HSD17B12: variants seen among roughly 807,000 people sequenced by gnomAD.
HSD17B12 encodes very-long-chain 3-oxoacyl-CoA reductase.
Under a neutral mutation model 39.3 loss-of-function variants are expected in HSD17B12, and 32 were observed. The ratio of observed to expected loss-of-function variants is 0.81; its 90% CI spans 0.61 to 1.09. The LOEUF is 1.09. Ranked by LOEUF, HSD17B12 falls within the 50% of genes least tolerant of loss-of-function variation. HSD17B12 has a pLI of 0.00. For missense variants in HSD17B12, 342 were observed against 382.9 expected (o/e 0.89, Z 0.89); for synonymous variants, 150 against 146.7 (o/e 1.02, Z -0.16).
intron 1 of HSD17B12, among the ~76,000 whole-genome samples, chr11:43,710,512 AT>A (rs1185018073): frequency 1.3e-5 from 2 of 152,280 alleles, no homozygotes; most frequent in Non-Finnish European, 2.9e-5. Context: ...AAATTTTGAA[AT>A]TCTTGAGGGG....
At chr11:43,822,801 T>G (rs1951195912) in intron 6 of HSD17B12, among the ~76,000 whole-genome samples, 1 of 152,176 alleles carries the variant, frequency 6.6e-6, no homozygotes, top group South Asian at 2.1e-4. Flanking sequence ...TACGTGTGCA[T>G]GTGTCTTTAT....
chr11:43,854,579 C>T, intron 9 of HSD17B12, 136 bp from the exon 10 acceptor site: 4 of 921,788 alleles, frequency 4.3e-6, no homozygotes, highest in South Asian at 1.9e-5. Flanking sequence ...TTTAGATAGC[C>T]ACTTCTCTTT....
rs143467547 is a variant in HSD17B12 at position 43,831,363 on chromosome 11, C to G, written c.536+353C>G. On this transcript the variant is annotated intron_variant, in intron 7 of 10. Coordinates refer to ENST00000278353, the MANE Select transcript of HSD17B12 (RefSeq NM_016142.3). The surrounding 1 kb of genome is among the most constrained non-coding windows in gnomAD (Gnocchi z 4.1). ...ATACCTTCTTAAAGCTGTATTCTCTCAAAGCCAAAATCAGTGGAGTTGGAT... is the reference window on the plus strand; with the variant it reads ...ATACCTTCTTAAAGCTGTATTCTCTGAAAGCCAAAATCAGTGGAGTTGGAT... 249 of 160,660 alleles carry G rather than the reference C, an allele frequency of 1.5e-3. 1 individual carries two copies. The highest frequency in any genetic ancestry group is 5.7e-3 in the African/African-American group (237 of 41,928). The allele number at this position is 160,660 out of a possible 1,614,324, so 10.0% of individuals were successfully genotyped here. A position where few individuals can be genotyped will look rare whatever the true frequency, so the allele number is the denominator to read the frequency against.
intron 3 of HSD17B12, among the ~76,000 whole-genome samples, chr11:43,786,954 T>C (rs138823123): frequency 6.6e-6 from 1 of 152,292 alleles, no homozygotes; most frequent in East Asian, 1.9e-4. Flanking sequence ...CTTTGTTTGT[T>C]TGCTTTTGAG....
intron 1 of HSD17B12, among the ~76,000 whole-genome samples, chr11:43,750,091 T>C (rs746825251): frequency 8.5e-5 from 13 of 152,144 alleles, no homozygotes; most frequent in Non-Finnish European, 1.9e-4. Flanking sequence ...TTTTAAAAAG[T>C]AGCTTATGAA....
At chr11:43,842,044 C>G (rs1162169725) in intron 9 of HSD17B12, among the ~76,000 whole-genome samples, 1 of 152,120 alleles carries the variant, frequency 6.6e-6, no homozygotes, top group Admixed American at 6.5e-5. Flanking sequence ...TGAACTGGGA[C>G]TCAAATCTGG....
chr11:43,573,400 C>G, the HSD17B12 span, among the ~76,000 whole-genome samples: 1 of 152,168 alleles, frequency 6.6e-6, no homozygotes. Flanking sequence ...TTCCAAGCCC[C>G]TCTCTGTCTT....
chr11:43,676,253 GTTCTA>G (rs1026093570), upstream of HSD17B12, among the ~76,000 whole-genome samples: 2 of 146,430 alleles, frequency 1.4e-5, no homozygotes, highest in African/African-American at 5.1e-5. Flanking sequence ...TAAGCGTAGA[GTTCTA>G]TTCTAAACAT....
At chr11:43,601,816 G>C in the HSD17B12 span, among the ~76,000 whole-genome samples, 1 of 152,200 alleles carries the variant, frequency 6.6e-6, no homozygotes, top group Non-Finnish European at 1.5e-5. Context: ...AACACTAAGA[G>C]ATCCTCTCAG....
chr11:43,828,664 T>G (rs1290056302), intron 6 of HSD17B12, among the ~76,000 whole-genome samples: 1 of 152,136 alleles, frequency 6.6e-6, no homozygotes, highest in East Asian at 1.9e-4. Flanking sequence ...GGCCTAATAT[T>G]AGCATTGAGT....
intron 4 of HSD17B12, among the ~76,000 whole-genome samples, chr11:43,811,265 A>G (rs1199742046): frequency 6.6e-6 from 1 of 152,004 alleles, no homozygotes; most frequent in Non-Finnish European, 1.5e-5. Context: ...TTTTCTCTAT[A>G]CTCCTAAATA....
chr11:43,646,714 A>G, the HSD17B12 span, among the ~76,000 whole-genome samples: 1 of 152,218 alleles, frequency 6.6e-6, no homozygotes, highest in Non-Finnish European at 1.5e-5. Context: ...GACATTTGCC[A>G]GTAGTCACAT....
intron 1 of HSD17B12, among the ~76,000 whole-genome samples, chr11:43,706,261 C>T (rs1950013817): frequency 6.6e-6 from 1 of 152,160 alleles, no homozygotes; most frequent in Admixed American, 6.5e-5. Context: ...AATGAATCCT[C>T]AGGCTGGCAT....
chr11:43,667,360 C>T, the HSD17B12 span, among the ~76,000 whole-genome samples: 2 of 152,102 alleles, frequency 1.3e-5, no homozygotes, highest in African/African-American at 4.8e-5. Context: ...CCATGTTGAC[C>T]AGGCTGGTCT....
chr11:43,576,005 C>A, the HSD17B12 span, among the ~76,000 whole-genome samples: 2 of 152,042 alleles, frequency 1.3e-5, no homozygotes, highest in African/African-American at 4.8e-5. Context: ...GGATAGCAAT[C>A]GCTTCTAGAG....
the HSD17B12 span, among the ~76,000 whole-genome samples, chr11:43,675,358 G>A: frequency 1.3e-5 from 2 of 152,086 alleles, no homozygotes; most frequent in African/African-American, 4.8e-5. Context: ...GTGAGCCTTG[G>A]GAAGATAGTA....
At chr11:43,635,312 G>T in the HSD17B12 span, among the ~76,000 whole-genome samples, 1 of 152,142 alleles carries the variant, frequency 6.6e-6, no homozygotes, top group South Asian at 2.1e-4. Context: ...GGGGAGCCTG[G>T]ATTTACAATT....
intron 3 of HSD17B12, among the ~76,000 whole-genome samples, chr11:43,795,091 C>A (rs139801581): frequency 1.8e-4 from 27 of 152,232 alleles, no homozygotes; most frequent in African/African-American, 5.5e-4. Context: ...CTGGTATCTA[C>A]TTCTGTTCCA....
the HSD17B12 span, among the ~76,000 whole-genome samples, chr11:43,663,781 T>C: frequency 9.2e-5 from 14 of 152,180 alleles, no homozygotes; most frequent in African/African-American, 3.4e-4. Context: ...AAGCAAGGAG[T>C]ATCAGGCAGT....
Sources: allele counts gnomAD v4.1 joint callset (sites outside exome capture counted in the v4.1 genomes callset), GRCh38; gene constraint gnomAD v4.1.1; non-coding constraint Gnocchi (gnomAD v3.1); transcripts MANE v1.5; gene names NCBI Gene and HGNC (gene_info 2026-07-23, HGNC 2026-07-21).